GLDC: variants seen among roughly 807,000 people sequenced by gnomAD.
The protein encoded by GLDC is glycine decarboxylase, also known as glycine dehydrogenase (decarboxylating), mitochondrial.
Under a neutral mutation model 121.3 loss-of-function variants are expected in GLDC, and 104 were observed. The ratio of observed to expected loss-of-function variants is 0.86; its 90% CI spans 0.73 to 1.01. The LOEUF (loss-of-function observed/expected upper bound fraction) is 1.01. Ranked by LOEUF, GLDC falls within the 50% of genes least tolerant of loss-of-function variation. The pLI is 0.00. For synonymous variants in GLDC, 546 were observed against 480.6 expected (o/e 1.14, Z -1.78); for missense variants, 1,429 against 1,306.6 (o/e 1.09, Z -1.44).
intron 21 of GLDC, among the ~76,000 whole-genome samples, chr9:6,546,392 G>T (rs1457977016): frequency 1.3e-5 from 2 of 149,668 alleles, no homozygotes; most frequent in Admixed American, 1.3e-4. Context: ...GAAGAGACAG[G>T]TCTCATGATA....
chr9:6,583,693 A>G (rs1818213587), intron 15 of GLDC, among the ~76,000 whole-genome samples: 1 of 152,228 alleles, frequency 6.6e-6, no homozygotes, highest in Admixed American at 6.5e-5. Flanking sequence ...GAAAAAAGGA[A>G]GTAAATTCTG....
intron 3 of GLDC, among the ~76,000 whole-genome samples, chr9:6,617,296 A>G (rs1023864532): frequency 2.0e-5 from 3 of 152,210 alleles, no homozygotes; most frequent in Admixed American, 1.3e-4. Flanking sequence ...TGAAAAGTAC[A>G]GGACAACATC....
At chr9:6,597,882 C>T (rs970995420) in intron 8 of GLDC, among the ~76,000 whole-genome samples, 1 of 151,502 alleles carries the variant, frequency 6.6e-6, no homozygotes, top group African/African-American at 2.4e-5. Flanking sequence ...CTTCAGTGAG[C>T]GAGATGGCGC....
chr9:6,603,704 A>C (rs1818668032), intron 7 of GLDC, among the ~76,000 whole-genome samples: 2 of 150,872 alleles, frequency 1.3e-5, no homozygotes, highest in African/African-American at 4.9e-5. Flanking sequence ...GAATGCATCT[A>C]GGTCCCCCGC....
intron 4 of GLDC, among the ~76,000 whole-genome samples, chr9:6,607,042 C>A (rs1430066819): frequency 1.3e-5 from 2 of 151,392 alleles, no homozygotes; most frequent in African/African-American, 2.4e-5. Flanking sequence ...CTCCATCCTG[C>A]GTAAGACGAG....
chr9:6,593,543 T>C (rs886933932), intron 9 of GLDC, among the ~76,000 whole-genome samples: 1 of 151,396 alleles, frequency 6.6e-6, no homozygotes, highest in African/African-American at 2.4e-5. Context: ...CTCAAGCAAT[T>C]CTCCCACCTC....
chr9:6,593,887 T>A (rs929827525), intron 9 of GLDC, among the ~76,000 whole-genome samples: 3 of 151,278 alleles, frequency 2.0e-5, no homozygotes, highest in African/African-American at 4.9e-5. Flanking sequence ...GAGACAGGGT[T>A]TCACCATGTT....
At chr9:6,639,295 C>A in intron 2 of GLDC, 1 of 931,754 alleles carries the variant, frequency 1.1e-6, no homozygotes, top group Non-Finnish European at 1.8e-6. Context: ...GTCCAAGACC[C>A]TGCGACTCCA....
At chr9:6,545,916 T>C (rs976998256) in intron 21 of GLDC, among the ~76,000 whole-genome samples, 4 of 152,058 alleles carry the variant, frequency 2.6e-5, no homozygotes, top group African/African-American at 9.7e-5. Flanking sequence ...GCTGGGATTA[T>C]AGGCGTGAGC....
At chr9:6,589,484 G>A (rs376158126) in intron 11 of GLDC, among the ~76,000 whole-genome samples, 192 bp from the exon 12 acceptor site, 3 of 152,134 alleles carry the variant, frequency 2.0e-5, no homozygotes, top group East Asian at 1.9e-4. Context: ...AGGCTAGAGT[G>A]CAGTGGCACG....
At chr9:6,533,307 A>T (rs1427389393) in intron 24 of GLDC, 147 bp from the exon 25 acceptor site, 8 of 784,448 alleles carry the variant, frequency 1.0e-5, no homozygotes, top group Middle Eastern at 2.3e-4. Context: ...CTACATTACC[A>T]TTTAAAAAAA....
intron 15 of GLDC, among the ~76,000 whole-genome samples, chr9:6,584,452 T>C (rs1264940545): frequency 6.6e-6 from 1 of 152,222 alleles, no homozygotes; most frequent in Non-Finnish European, 1.5e-5. Flanking sequence ...ATGTAAGCCC[T>C]GTTGTAGACA....
chr9:6,620,082 G>C lies in GLDC; in HGVS notation c.470+102C>G. ...ACATTGGAGACAGCACTAGGAGGTG[G>C]GTGTCAGTGTGGAGGCTCTGAGACT... is the stretch of plus-strand genomic sequence containing the variant. On this transcript the variant is annotated intron_variant, in intron 3 of 24. Coordinates refer to ENST00000321612, the MANE Select transcript of GLDC (RefSeq NM_000170.3). 12 of 1,090,424 alleles carry C rather than the reference G, an allele frequency of 1.1e-5. No homozygotes were observed. The South Asian group carries it at 1.5e-4, about 14-fold the overall frequency. The allele number at this position is 1,090,424 out of a possible 1,614,324, so 67.5% of individuals were successfully genotyped here.
rs562010059 is a variant in GLDC, at chr9:6,614,247, T to C, written c.471-3891A>G. 7.9e-5 allele frequency among the ~76,000 whole-genome samples: 12 copies of C among 152,088 alleles called. No individual in the cohort carries two copies. In the South Asian group the frequency reaches 1.5e-3, roughly 18 times the overall value. ...GCACTGGCTTTTGGTTTTTGTTTTGTTTTTTGAGACAGAGTCTTGCTCTGT... is the reference window on the plus strand; with the variant it reads ...GCACTGGCTTTTGGTTTTTGTTTTGCTTTTTGAGACAGAGTCTTGCTCTGT... On this transcript the variant is annotated intron_variant, in intron 3 of 24. Coordinates refer to ENST00000321612, the MANE Select transcript of GLDC (RefSeq NM_000170.3).
intron 2 of GLDC, among the ~76,000 whole-genome samples, chr9:6,634,489 A>G (rs1399226346): frequency 6.6e-6 from 1 of 151,902 alleles, no homozygotes. Flanking sequence ...AGATCGCACC[A>G]CCGCACTTGA....
intron 8 of GLDC, among the ~76,000 whole-genome samples, chr9:6,599,236 C>A (rs970960557): frequency 3.3e-5 from 5 of 151,708 alleles, no homozygotes; most frequent in Admixed American, 3.3e-4. Flanking sequence ...CTGCAGACAG[C>A]CCAAATTCAC....
At chr9:6,587,630 T>C (rs1423462613) in intron 14 of GLDC, among the ~76,000 whole-genome samples, 2 of 152,184 alleles carry the variant, frequency 1.3e-5, no homozygotes, top group Non-Finnish European at 2.9e-5. Context: ...CAATAGATTG[T>C]TCTCTTTCTT....
At chr9:6,619,770 C>A (rs1475734678) in intron 3 of GLDC, among the ~76,000 whole-genome samples, 1 of 152,100 alleles carries the variant, frequency 6.6e-6, no homozygotes, top group Non-Finnish European at 1.5e-5. Flanking sequence ...GACAGTGGAC[C>A]AAGATTCTCT....
Position 6,645,365 on chromosome 9 carries a change from G to C in GLDC, c.135C>G (p.Ala45=), listed in dbSNP as rs747904179. 1 of 1,538,484 alleles carries C rather than the reference G, an allele frequency of 6.5e-7. No homozygotes were observed. The highest frequency in any genetic ancestry group is 8.7e-7 in the Non-Finnish European group (1 of 1,144,184). The change falls in exon 1 of 25, where the codon GCC becomes GCG. Residue 45 remains alanine, a synonymous_variant. Coordinates refer to ENST00000321612, the MANE Select transcript of GLDC (RefSeq NM_000170.3). The part of the protein sequence containing the change: ...RDSSSGGGDS[A]AAGASRLLER... ...CCAGGAGGCGCGAGGCCCCAGCCGC[G>C]GCGCTGTCCCCGCCGCCACTGCTGC...
Sources: allele counts gnomAD v4.1 joint callset (sites outside exome capture counted in the v4.1 genomes callset), GRCh38; gene constraint gnomAD v4.1.1; transcripts MANE v1.5; gene names NCBI Gene and HGNC (gene_info 2026-07-23, HGNC 2026-07-21).